Variants in CDH23 observed in about 807,000 individuals in gnomAD.
CDH23 encodes the protein cadherin-23.
In CDH23, 189 loss-of-function variants were observed where a neutral mutation model predicts 317.1. The ratio of observed to expected loss-of-function variants is 0.60; its 90% CI spans 0.53 to 0.67. The LOEUF (loss-of-function observed/expected upper bound fraction) is 0.67. Among genes scored for constraint, CDH23 ranks in the 30% least tolerant of loss-of-function variants. The pLI, the probability that CDH23 is intolerant of heterozygous loss-of-function variation, is 0.00. For missense variants in CDH23, 4,401 were observed against 4,592.4 expected, an observed-to-expected ratio of 0.96 and a Z score of 1.20; for synonymous variants, 1,839 against 1,876.8, an observed-to-expected ratio of 0.98 and a Z score of 0.52.
At chr10:71,580,278 G>A (rs1183905379) in intron 9 of CDH23, among the ~76,000 whole-genome samples, 1 of 152,244 alleles carries the variant, frequency 6.6e-6, no homozygotes, top group Non-Finnish European at 1.5e-5. Context: ...ACAACTGCCT[G>A]CAGCATCTCC....
intron 20 of CDH23, among the ~76,000 whole-genome samples, chr10:71,692,227 A>G (rs1392750864): frequency 2.0e-5 from 3 of 152,174 alleles, no homozygotes; most frequent in Non-Finnish European, 4.4e-5. Context: ...CTGACTCCAG[A>G]ATCCAAACAT....
At chr10:71,790,451 T>A (rs752896768) in intron 46 of CDH23, 38 bp downstream of exon 46, 1 of 1,605,510 alleles carries the variant, frequency 6.2e-7, no homozygotes, top group Non-Finnish European at 8.5e-7. Context: ...CCAGCCTGAT[T>A]CTGGGGTGGG....
intron 12 of CDH23, among the ~76,000 whole-genome samples, chr10:71,645,373 A>G (rs568994122): frequency 6.6e-6 from 1 of 152,308 alleles, no homozygotes; most frequent in South Asian, 2.1e-4. Flanking sequence ...GAAGAACAGC[A>G]TCTGCATCCC....
intron 18 of CDH23, among the ~76,000 whole-genome samples, chr10:71,686,325 A>T (rs1316615000): frequency 2.6e-5 from 4 of 152,082 alleles, no homozygotes; most frequent in Non-Finnish European, 5.9e-5. Flanking sequence ...ATGCCCAGGC[A>T]CGCAGCTGGG....
chr10:71,634,555 C>T (rs1313179002), intron 11 of CDH23, among the ~76,000 whole-genome samples: 1 of 152,228 alleles, frequency 6.6e-6, no homozygotes. Flanking sequence ...GGTTGCAAGA[C>T]AGGGCCACAA....
intron 14 of CDH23, among the ~76,000 whole-genome samples, chr10:71,655,469 C>T (rs760435481): frequency 7.2e-5 from 11 of 152,298 alleles, no homozygotes; most frequent in Non-Finnish European, 1.6e-4. Flanking sequence ...TTGGCAGCAC[C>T]GCCTTAAAAA....
intron 6 of CDH23, among the ~76,000 whole-genome samples, chr10:71,541,823 C>T (rs947358409): frequency 1.5e-4 from 23 of 152,194 alleles, no homozygotes; most frequent in African/African-American, 5.3e-4. Flanking sequence ...CTGAGGACAA[C>T]GTGTTCCAAT....
chr10:71,473,546 G>A (rs951751173), intron 3 of CDH23, among the ~76,000 whole-genome samples: 1 of 152,142 alleles, frequency 6.6e-6, no homozygotes, highest in East Asian at 1.9e-4. Flanking sequence ...CAGGCTGCCT[G>A]GGCCCAAATC....
At chr10:71,761,554 A>G (rs1840384394) in intron 38 of CDH23, 3 of 1,506,682 alleles carry the variant, frequency 2.0e-6, no homozygotes, top group Non-Finnish European at 2.7e-6. Context: ...TCAGACAGGC[A>G]GCCCTCCACA....
At position 71,751,652 on chromosome 10, in the gene CDH23, G is replaced by C. The variant is rs756992203; in HGVS notation, c.4845+9731G>C. ...CCTTACAGGTCATCGTGCTGTGAAG[G>C]TCAGGAAACACTTACCCAGGGATGG... is the stretch of plus-strand genomic sequence containing the variant. On this transcript the variant is annotated intron_variant, in intron 38 of 69. Transcript: ENST00000224721. This position sits in a 1 kb window ranked among gnomAD's most constrained non-coding sequence, Gnocchi z 4.9. 35 of 1,519,628 alleles carry C rather than the reference G, an allele frequency of 2.3e-5. No individual in the cohort carries two copies. Among genetic ancestry groups the C allele is most frequent in the Non-Finnish European group, 3.0e-5 (34 of 1,134,616 alleles). The allele number at this position is 1,519,628 out of a possible 1,614,324, so 94.1% of individuals were successfully genotyped here.
chr10:71,730,577 G>T lies in CDH23; in HGVS notation c.3688G>T (p.Val1230Leu), dbSNP rs377358096. The T allele has an allele frequency of 2.5e-6, 4 of 1,613,878 alleles. No individual in the cohort carries two copies. Among genetic ancestry groups the T allele is most frequent in the Non-Finnish European group, 3.4e-6 (4 of 1,179,896 alleles). ...ETAGIGTSVI[V>L]VQATDRDSGD... ...CGCAGGCATTGGAACGTCAGTCATC[G>T]TGGTCCAAGCCACAGACCGAGACTC... Residue 1230 changes from valine to leucine, a missense_variant, in exon 31 of 70, where the codon GTG becomes TTG. Physicochemically the swap from Val to Leu is conservative, Grantham distance 32. Around this residue, in one of 3 missense-constraint regions of CDH23, gnomAD observed 3,068 missense variants for 3,203.3 expected, o/e 0.96. Coordinates refer to ENST00000224721, the MANE Select transcript of CDH23 (RefSeq NM_022124.6).
intron 9 of CDH23, among the ~76,000 whole-genome samples, chr10:71,586,672 C>T (rs1859089033): frequency 6.6e-6 from 1 of 152,200 alleles, no homozygotes; most frequent in Non-Finnish European, 1.5e-5. Flanking sequence ...TTCCCTGCCT[C>T]CCATCCTCCA....
intron 1 of CDH23, among the ~76,000 whole-genome samples, chr10:71,425,224 AGAGAGAGG>A (rs746515370): frequency 0.19 from 11,050 of 58,266 alleles, 1,401 homozygotes; most frequent in Non-Finnish European, 0.25. Flanking sequence ...TGGGGCAGAG[AGAGAGAGG>A]GAGAGAGAGA....
chr10:71,702,261 G>A (rs775772620), intron 23 of CDH23, 50 bp downstream of exon 23: 3 of 1,579,232 alleles, frequency 1.9e-6, no homozygotes, highest in African/African-American at 1.3e-5. Flanking sequence ...GGCTGCGGGT[G>A]TCCCTGGTGA....
chr10:71,526,634 T>A (rs1270162259), intron 6 of CDH23, among the ~76,000 whole-genome samples: 2 of 152,096 alleles, frequency 1.3e-5, no homozygotes, highest in East Asian at 1.9e-4. Flanking sequence ...TGATAAAAAA[T>A]GGGGTCTGTA....
chr10:71,579,176 G>C (rs951925525), intron 9 of CDH23, among the ~76,000 whole-genome samples: 38 of 151,690 alleles, frequency 2.5e-4, no homozygotes, highest in African/African-American at 6.5e-4. Context: ...GCTACCTTGG[G>C]AAGCTAGGGG....
chr10:71,680,722 T>TG, intron 17 of CDH23, among the ~76,000 whole-genome samples: 1 of 111,290 alleles, frequency 9.0e-6, no homozygotes, highest in Admixed American at 1.2e-4. Context: ...CACTCCAGCC[T>TG]GGTGACAGAG....
At chr10:71,582,132 C>T (rs1373105958) in intron 9 of CDH23, among the ~76,000 whole-genome samples, 1 of 152,200 alleles carries the variant, frequency 6.6e-6, no homozygotes, top group African/African-American at 2.4e-5. Flanking sequence ...CCCAGGGGTC[C>T]TTGGGACTCA....
intron 9 of CDH23, among the ~76,000 whole-genome samples, chr10:71,585,026 G>A (rs753574004): frequency 3.9e-5 from 6 of 152,286 alleles, no homozygotes; most frequent in Middle Eastern, 3.4e-3. Context: ...GGGGTCACCA[G>A]GAGATTCATC....
Sources: gnomAD v4.1 joint callset for allele counts (sites outside exome capture counted in the v4.1 genomes callset) on GRCh38, gnomAD v4.1.1 for gene constraint, gnomAD v4.1.1 regional missense constraint, Gnocchi (gnomAD v3.1) non-coding constraint, MANE v1.5 for transcripts, NCBI Gene and HGNC (gene_info 2026-07-23, HGNC 2026-07-21) for gene names.